Variants in MCTP1 observed in about 807,000 individuals in gnomAD.
MCTP1 encodes the protein multiple C2 and transmembrane domain-containing protein 1.
Under a neutral mutation model 120.6 loss-of-function variants are expected in MCTP1, and 69 were observed. That is an observed-to-expected ratio of 0.57 (90% CI 0.47 to 0.70). The LOEUF (loss-of-function observed/expected upper bound fraction) is 0.70, where lower values mean the gene tolerates loss of function less well. Ranked by LOEUF, MCTP1 falls within the 30% of genes least tolerant of loss-of-function variation. The pLI is 0.00. For synonymous variants in MCTP1, 529 were observed against 493.1 expected (o/e 1.07, Z -0.96); for missense variants, 1,203 against 1,248.8 (o/e 0.96, Z 0.55).
chr5:95,196,605 G>A (rs142433092), intron 1 of MCTP1, among the ~76,000 whole-genome samples: 61 of 152,268 alleles, frequency 4.0e-4, no homozygotes, highest in Admixed American at 9.8e-4. Context: ...ATAACAGTAC[G>A]AAGAAATCCT....
chr5:94,878,438 A>G (rs1222040589), intron 12 of MCTP1, among the ~76,000 whole-genome samples: 5 of 152,124 alleles, frequency 3.3e-5, no homozygotes, highest in Non-Finnish European at 5.9e-5. Context: ...TCACTGAGTC[A>G]TGAAGCAGAT....
chr5:95,248,538 G>C (rs1392720514), intron 1 of MCTP1, among the ~76,000 whole-genome samples: 1 of 152,084 alleles, frequency 6.6e-6, no homozygotes, highest in Non-Finnish European at 1.5e-5. Flanking sequence ...GCAAATGGAG[G>C]AACATTCCAT....
At chr5:94,921,925 G>A (rs1811753260) in intron 7 of MCTP1, among the ~76,000 whole-genome samples, 1 of 152,176 alleles carries the variant, frequency 6.6e-6, no homozygotes, top group African/African-American at 2.4e-5. Context: ...CTCAAAGAGG[G>A]ACTCTACTGC....
At chr5:95,221,521 G>C (rs1753695873) in intron 1 of MCTP1, among the ~76,000 whole-genome samples, 1 of 152,198 alleles carries the variant, frequency 6.6e-6, no homozygotes, top group Non-Finnish European at 1.5e-5. Context: ...CATGAGATAT[G>C]TGGTTATAAA....
intron 1 of MCTP1, among the ~76,000 whole-genome samples, chr5:95,148,452 G>T (rs929148735): frequency 6.6e-6 from 1 of 152,106 alleles, no homozygotes; most frequent in African/African-American, 2.4e-5. Context: ...TAGTCTTCAA[G>T]CTCTGACATT....
At chr5:95,135,996 T>G (rs1759418305) in intron 1 of MCTP1, among the ~76,000 whole-genome samples, 1 of 152,286 alleles carries the variant, frequency 6.6e-6, no homozygotes, top group Non-Finnish European at 1.5e-5. Flanking sequence ...ACAATTAGAG[T>G]AGATTTCAAT....
chr5:95,223,365 TCA>T (rs1343347699), intron 1 of MCTP1, among the ~76,000 whole-genome samples: 1 of 151,954 alleles, frequency 6.6e-6, no homozygotes, highest in African/African-American at 2.4e-5. Flanking sequence ...GTAGGGAGAA[TCA>T]CCTGAACCGG....
At position 94,703,949 on chromosome 5, in the gene MCTP1, T is replaced by TAAAAG. The variant is rs1353181363; in HGVS notation, c.*3542_*3546dup. The TAAAAG allele has an allele frequency of 6.7e-6, 1 of 148,724 alleles. No homozygotes were observed. Among genetic ancestry groups the TAAAAG allele is most frequent in the Non-Finnish European group, 1.5e-5 (1 of 67,054 alleles). The allele number at this position is 148,724 out of a possible 1,614,324, so 9.2% of individuals were successfully genotyped here. A position where few individuals can be genotyped will look rare whatever the true frequency, so the allele number is the denominator to read the frequency against. ...TGCCTCTATTCAAATTGCCACTATATAAAAGAAACTGAGGTACCAGAGGGT... is the reference window on the plus strand; with the variant it reads ...TGCCTCTATTCAAATTGCCACTATATAAAAGAAAAGAAACTGAGGTACCAGAGGGT... On this transcript the variant is annotated 3_prime_UTR_variant, in exon 23 of 23. Transcript: ENST00000515393.
intron 19 of MCTP1, among the ~76,000 whole-genome samples, chr5:94,760,422 T>C (rs1256696198): frequency 6.6e-6 from 1 of 152,324 alleles, no homozygotes; most frequent in Non-Finnish European, 1.5e-5. Flanking sequence ...CACAGCTGTA[T>C]ATTCGTTTAT....
chr5:94,747,744 A>G (rs1767255514), intron 19 of MCTP1, among the ~76,000 whole-genome samples: 1 of 151,902 alleles, frequency 6.6e-6, no homozygotes, highest in Non-Finnish European at 1.5e-5. Flanking sequence ...GTGGTCTTTA[A>G]CTATTATACT....
chr5:94,892,835 T>C (rs1246327711), intron 11 of MCTP1, among the ~76,000 whole-genome samples: 1 of 152,222 alleles, frequency 6.6e-6, no homozygotes, highest in Non-Finnish European at 1.5e-5. Context: ...ATTTCAGAAA[T>C]GATATGGCAT....
intron 1 of MCTP1, among the ~76,000 whole-genome samples, chr5:95,084,038 T>C (rs889100177): frequency 2.0e-5 from 3 of 152,154 alleles, no homozygotes; most frequent in South Asian, 2.1e-4. Flanking sequence ...ATTTTTTATA[T>C]GCATATTCAC....
chr5:94,866,171 T>G (rs1164585520), intron 17 of MCTP1, among the ~76,000 whole-genome samples: 4 of 151,992 alleles, frequency 2.6e-5, no homozygotes, highest in African/African-American at 9.6e-5. Context: ...TTTCTCCACA[T>G]AAGAAAAAAT....
chr5:95,243,875 T>C (rs1756448868), intron 1 of MCTP1, among the ~76,000 whole-genome samples: 1 of 152,192 alleles, frequency 6.6e-6, no homozygotes, highest in Non-Finnish European at 1.5e-5. Flanking sequence ...CTTTCTGTCT[T>C]GGGCAACCAA....
chr5:95,009,306 C>G (rs896642577), intron 2 of MCTP1, among the ~76,000 whole-genome samples: 1 of 152,092 alleles, frequency 6.6e-6, no homozygotes, highest in East Asian at 1.9e-4. Flanking sequence ...TATATTTACA[C>G]AGATTGCTCT....
chr5:94,811,687 CAA>C (rs1335130130), intron 17 of MCTP1, among the ~76,000 whole-genome samples: 1 of 152,144 alleles, frequency 6.6e-6, no homozygotes, highest in Non-Finnish European at 1.5e-5. Flanking sequence ...CCCGATGGCT[CAA>C]ATTAGTCCGC....
intron 1 of MCTP1, among the ~76,000 whole-genome samples, chr5:95,112,523 G>T (rs1212703325): frequency 1.3e-5 from 2 of 152,146 alleles, no homozygotes; most frequent in Admixed American, 1.3e-4. Flanking sequence ...TCTAGGTAGA[G>T]ATCTAGCAAC....
intron 18 of MCTP1, among the ~76,000 whole-genome samples, chr5:94,787,669 TG>T (rs1420728713): frequency 9.3e-5 from 14 of 150,716 alleles, no homozygotes; most frequent in Non-Finnish European, 1.9e-4. Context: ...CAGGCTGGAG[TG>T]CAGTGGCGCG....
At chr5:95,218,342 G>T (rs749516692) in intron 1 of MCTP1, among the ~76,000 whole-genome samples, 4 of 152,166 alleles carry the variant, frequency 2.6e-5, no homozygotes, top group Non-Finnish European at 5.9e-5. Context: ...CATAACAAGA[G>T]AAATGAATGA....
Sources: allele counts gnomAD v4.1 joint callset (sites outside exome capture counted in the v4.1 genomes callset), GRCh38; gene constraint gnomAD v4.1.1; transcripts MANE v1.5; gene names NCBI Gene and HGNC (gene_info 2026-07-23, HGNC 2026-07-21).